The following CEP63 variants were observed in gnomAD, a reference collection of about 807,000 sequenced individuals.
The protein encoded by CEP63 is centrosomal protein of 63 kDa.
In CEP63, 84 loss-of-function variants were observed where a neutral mutation model predicts 89.1. The ratio of observed to expected loss-of-function variants is 0.94; its 90% CI spans 0.79 to 1.13. CEP63 has a LOEUF of 1.13. Ranked by LOEUF, CEP63 falls within the 50% of genes most tolerant of loss-of-function variation. CEP63 has a pLI of 0.00. For synonymous variants in CEP63, 267 were observed against 272.5 expected (o/e 0.98, Z 0.20); for missense variants, 838 against 813.3 (o/e 1.03, Z -0.37).
chr3:134,682,427 G>A, the CEP63 span, among the ~76,000 whole-genome samples: 1 of 152,192 alleles, frequency 6.6e-6, no homozygotes, highest in East Asian at 1.9e-4. Flanking sequence ...CTAGGGCCCT[G>A]TAAGCCAATA....
At chr3:134,552,055 C>CA (rs938727889) in intron 12 of CEP63, 43 bp downstream of exon 12, 4 of 1,015,226 alleles carry the variant, frequency 3.9e-6, no homozygotes, top group Non-Finnish European at 3.1e-6. Flanking sequence ...TCCAAGCCTT[C>CA]AAAAAAATTA....
In CEP63 at chr3:134,564,908, A is replaced by G. The variant is rs953971336; in HGVS notation, c.*3373A>G. ...TTCCTTAAATTATACTGTTTTTTAA[A>G]GCTGAAGTATCTAATAGTTAATGGG... On this transcript the variant is annotated 3_prime_UTR_variant, in exon 15 of 15. Coordinates refer to ENST00000675561, the MANE Select transcript of CEP63 (RefSeq NM_001353108.3). 1.0e-5 allele frequency: 10 copies of G among 984,314 alleles called. No individual in the cohort carries two copies. The highest frequency in any genetic ancestry group is 1.2e-5 in the Non-Finnish European group (10 of 829,000). The allele number at this position is 984,314 out of a possible 1,614,324, so 61.0% of individuals were successfully genotyped here.
the CEP63 span, among the ~76,000 whole-genome samples, chr3:134,679,579 C>A: frequency 6.6e-6 from 1 of 152,214 alleles, no homozygotes; most frequent in East Asian, 1.9e-4. Flanking sequence ...TATGGACTGG[C>A]TTGTATCTCC....
At chr3:134,703,868 T>C in the CEP63 span, among the ~76,000 whole-genome samples, 1 of 152,136 alleles carries the variant, frequency 6.6e-6, no homozygotes, top group Non-Finnish European at 1.5e-5. Flanking sequence ...GGCAGAAGTA[T>C]TTGCCTGCCA....
At chr3:134,725,146 T>C in the CEP63 span, among the ~76,000 whole-genome samples, 1 of 152,210 alleles carries the variant, frequency 6.6e-6, no homozygotes, top group African/African-American at 2.4e-5. Flanking sequence ...TTAAAATATA[T>C]AATTTTTCTG....
intron 3 of CEP63, among the ~76,000 whole-genome samples, chr3:134,515,150 G>C (rs1217061768): frequency 3.3e-5 from 5 of 152,158 alleles, no homozygotes; most frequent in African/African-American, 1.2e-4. Flanking sequence ...ACAAATCCAT[G>C]TTTTTATCTT....
rs1954960393 is a variant in CEP63 at position 134,551,946 on chromosome 3, G to A, written c.1401G>A (p.Glu467=). The A allele has an allele frequency of 6.2e-7, 1 of 1,609,214 alleles. No homozygotes were observed. Among genetic ancestry groups the A allele is most frequent in the South Asian group, 1.1e-5 (1 of 90,644 alleles). The change falls in exon 12 of 15, where the codon GAG becomes GAA. Residue 467 remains glutamate, a synonymous_variant. Transcript: ENST00000675561. ...VEHKEILDQL[E]SLKLENRHLS... ...TTCAGGAGATTTTGGATCAGCTGGA[G>A]TCACTCAAATTAGAAAATCGTCATC...
chr3:134,732,365 T>C, the CEP63 span, among the ~76,000 whole-genome samples: 1 of 152,108 alleles, frequency 6.6e-6, no homozygotes, highest in African/African-American at 2.4e-5. Context: ...AAATACACTT[T>C]AAAAGCCATC....
chr3:134,668,072 A>T, the CEP63 span, among the ~76,000 whole-genome samples: 6 of 152,168 alleles, frequency 3.9e-5, no homozygotes, highest in African/African-American at 1.4e-4. Flanking sequence ...GGTGGCCAGC[A>T]TGCCTCATGC....
At chr3:134,717,664 C>A in the CEP63 span, among the ~76,000 whole-genome samples, 1 of 152,098 alleles carries the variant, frequency 6.6e-6, no homozygotes, top group Non-Finnish European at 1.5e-5. Flanking sequence ...TGTCTGTTTC[C>A]ACTTAGGGCC....
the CEP63 span, among the ~76,000 whole-genome samples, chr3:134,694,665 C>T: frequency 6.6e-6 from 1 of 152,234 alleles, no homozygotes; most frequent in East Asian, 1.9e-4. Context: ...TGCATTCTTT[C>T]TCACAGAGCC....
At chr3:134,781,891 T>C in the CEP63 span, among the ~76,000 whole-genome samples, 1 of 152,196 alleles carries the variant, frequency 6.6e-6, no homozygotes, top group African/African-American at 2.4e-5. Context: ...CTCTCTTTTA[T>C]GTCTTACAGC....
the CEP63 span, among the ~76,000 whole-genome samples, chr3:134,628,601 C>T: frequency 2.6e-5 from 4 of 152,218 alleles, no homozygotes; most frequent in Non-Finnish European, 4.4e-5. Flanking sequence ...TTCACACCTA[C>T]ATTTTTTTCC....
At chr3:134,664,916 T>C in the CEP63 span, among the ~76,000 whole-genome samples, 75 of 152,228 alleles carry the variant, frequency 4.9e-4, no homozygotes, top group African/African-American at 1.8e-3. Context: ...AGTGAAGATA[T>C]TTTTCTCAGG....
chr3:134,729,646 G>T, the CEP63 span, among the ~76,000 whole-genome samples: 23 of 152,168 alleles, frequency 1.5e-4, no homozygotes, highest in African/African-American at 5.5e-4. Flanking sequence ...ATAAGGTCTG[G>T]TTCAAAGGAA....
the CEP63 span, among the ~76,000 whole-genome samples, chr3:134,771,147 C>T: frequency 6.6e-6 from 1 of 152,140 alleles, no homozygotes; most frequent in Non-Finnish European, 1.5e-5. Context: ...AACTCAGACT[C>T]CTGCTTTCTC....
downstream of CEP63, chr3:134,565,062 A>G: frequency 1.4e-6 from 1 of 738,668 alleles, no homozygotes; most frequent in Middle Eastern, 6.9e-4. Flanking sequence ...CACATTTTCC[A>G]AAATCTGTCC....
chr3:134,537,285 T>C lies in CEP63; in HGVS notation c.555+17T>C, dbSNP rs1950954312. The C allele has an allele frequency of 6.7e-6, 10 of 1,496,010 alleles. No individual in the cohort carries two copies. The South Asian group carries it at 1.0e-4, about 15-fold the overall frequency. 92.7% of individuals were successfully genotyped at this position (1,496,010 alleles called of 1,614,324 possible). A position where few individuals can be genotyped will look rare whatever the true frequency, so the allele number is the denominator to read the frequency against. On this transcript the variant is annotated intron_variant, in intron 6 of 14. Transcript: ENST00000675561. ...ATAATTCAGGTAGGCCTAAGACTTT[T>C]TAAAATAATGAGAAGCAGATAGGTT... is the stretch of plus-strand genomic sequence containing the variant.
chr3:134,501,882 A>G (rs943676011), intron 2 of CEP63, among the ~76,000 whole-genome samples: 1 of 152,152 alleles, frequency 6.6e-6, no homozygotes, highest in Non-Finnish European at 1.5e-5. Flanking sequence ...AGGAGTGGCA[A>G]GAGAGGACAT....
Sources: allele counts gnomAD v4.1 joint callset (sites outside exome capture counted in the v4.1 genomes callset), GRCh38; gene constraint gnomAD v4.1.1; transcripts MANE v1.5; gene names NCBI Gene and HGNC (gene_info 2026-07-23, HGNC 2026-07-21).